The following SOX5 variants were observed in gnomAD, a reference collection of about 807,000 sequenced individuals.
The protein encoded by SOX5 is transcription factor SOX-5.
Under a neutral mutation model 92.0 loss-of-function variants are expected in SOX5, and 9 were observed. The ratio of observed to expected loss-of-function variants is 0.10; its 90% CI spans 0.06 to 0.17. The LOEUF (loss-of-function observed/expected upper bound fraction) is 0.17, where lower values mean the gene tolerates loss of function less well. Among genes scored for constraint, SOX5 ranks in the 10% least tolerant of loss-of-function variants. The pLI is 1.00. For missense variants in SOX5, 642 were observed against 944.5 expected (o/e 0.68, Z 4.20); for synonymous variants, 344 against 336.3 (o/e 1.02, Z -0.25).
rs559665299 is a variant in SOX5, at chr12:24,018,100, C to T, written c.-1-122076G>A. On this transcript the variant is annotated intron_variant, in intron 4 of 4. Transcript: ENST00000446891. ...TTCATCCTATTAAATCCTTCCTTCA[C>T]ACCTCCATCTTCCTTTATCTGCCCC... Among the ~76,000 whole-genome samples, 359 of 152,300 alleles carry T rather than the reference C, an allele frequency of 2.4e-3. 1 individual carries two copies. Among genetic ancestry groups the T allele is most frequent in the African/African-American group, 8.2e-3 (339 of 41,568 alleles).
chr12:24,161,384 T>C (rs1248627424), intron 4 of SOX5, among the ~76,000 whole-genome samples: 2 of 152,096 alleles, frequency 1.3e-5, no homozygotes, highest in Non-Finnish European at 1.5e-5. Flanking sequence ...ACATAGGCCA[T>C]GTTTCACAGA....
intron 3 of SOX5, among the ~76,000 whole-genome samples, chr12:23,828,739 C>G (rs1255228421): frequency 6.9e-6 from 1 of 145,232 alleles, no homozygotes; most frequent in African/African-American, 2.5e-5. Flanking sequence ...AGTTGCTTTT[C>G]AAATTCAGGA....
chr12:23,786,346 T>G (rs1034408785), intron 3 of SOX5, among the ~76,000 whole-genome samples: 2 of 152,022 alleles, frequency 1.3e-5, no homozygotes, highest in Non-Finnish European at 2.9e-5. Flanking sequence ...GTCCTTGTTT[T>G]AAACATACAT....
At chr12:24,162,459 T>C (rs934212391) in intron 4 of SOX5, among the ~76,000 whole-genome samples, 6 of 152,126 alleles carry the variant, frequency 3.9e-5, no homozygotes, top group Non-Finnish European at 7.4e-5. Flanking sequence ...TCCATAACTA[T>C]TGGCACAGAT....
chr12:24,002,334 A>C lies in SOX5; in HGVS notation c.-1-106310T>G, dbSNP rs531674642. 3.9e-5 allele frequency among the ~76,000 whole-genome samples: 6 copies of C among 152,156 alleles called. No individual in the cohort carries two copies. In the South Asian group the frequency reaches 1.2e-3, roughly 32 times the overall value. The stretch of plus-strand genomic sequence containing the variant: ...TTAGCTAGACTGACCAAAAAACAAA[A>C]AAAGTGAAAAAAACCTATATTACCA... On this transcript the variant is annotated intron_variant, in intron 4 of 4. Transcript: ENST00000446891.
chr12:24,460,908 A>T (rs907766658), intron 1 of SOX5: 5 of 152,186 alleles, frequency 3.3e-5, no homozygotes, highest in African/African-American at 1.2e-4. Flanking sequence ...GTACCATATG[A>T]TCAGTCCAAA....
At chr12:24,380,958 A>AG (rs1957764270) in intron 1 of SOX5, among the ~76,000 whole-genome samples, 1 of 152,324 alleles carries the variant, frequency 6.6e-6, no homozygotes, top group South Asian at 2.1e-4. Flanking sequence ...AAAATTTCCA[A>AG]GGGGGGCATC....
At chr12:24,070,581 T>G (rs1268548411) in intron 4 of SOX5, among the ~76,000 whole-genome samples, 1 of 150,642 alleles carries the variant, frequency 6.6e-6, no homozygotes, top group Non-Finnish European at 1.5e-5. Context: ...TTATTTATTG[T>G]TTTTTAAAAA....
At chr12:24,027,013 T>G (rs746480692) in intron 4 of SOX5, among the ~76,000 whole-genome samples, 3 of 152,056 alleles carry the variant, frequency 2.0e-5, no homozygotes, top group African/African-American at 7.2e-5. Context: ...TTGTTTCTGA[T>G]TTAATACTCA....
chr12:24,049,638 G>GTTTTTTTTTTTTTTTTTTTTT (rs527647441), intron 4 of SOX5, among the ~76,000 whole-genome samples: 2 of 73,748 alleles, frequency 2.7e-5, no homozygotes, highest in African/African-American at 1.2e-4. Context: ...ATCCTTCATA[G>GTTTTTTTTTTTTTTTTTTTTT]TTTTTTTTTT....
At chr12:24,348,364 C>CTACT (rs1555244287) in intron 2 of SOX5, among the ~76,000 whole-genome samples, 1 of 142,676 alleles carries the variant, frequency 7.0e-6, no homozygotes. Context: ...CTATTGACTC[C>CTACT]TATTTATTTA....
At chr12:24,381,430 CAT>C (rs10606283) in intron 1 of SOX5, among the ~76,000 whole-genome samples, 3,730 of 152,286 alleles carry the variant, frequency 0.024, 66 homozygotes, top group East Asian at 0.037. Context: ...TACATACACA[CAT>C]GTCTGTTACA....
At chr12:24,170,382 A>C (rs1380208954) in intron 4 of SOX5, among the ~76,000 whole-genome samples, 1 of 152,170 alleles carries the variant, frequency 6.6e-6, no homozygotes, top group African/African-American at 2.4e-5. Flanking sequence ...GTGAACACTC[A>C]TGAGACCCAG....
At chr12:23,594,025 T>C (rs1057474935) in intron 9 of SOX5, among the ~76,000 whole-genome samples, 1 of 152,164 alleles carries the variant, frequency 6.6e-6, no homozygotes, top group Non-Finnish European at 1.5e-5. Flanking sequence ...TATGTAGCAA[T>C]TATAGTTTTT....
chr12:23,535,514 T>C (rs1288988102), intron 14 of SOX5, among the ~76,000 whole-genome samples: 1 of 152,242 alleles, frequency 6.6e-6, no homozygotes. Flanking sequence ...ATAAATAATG[T>C]AGGTGGTCCT....
intron 3 of SOX5, among the ~76,000 whole-genome samples, chr12:23,827,030 GC>G (rs2096245552): frequency 6.6e-6 from 1 of 152,120 alleles, no homozygotes; most frequent in South Asian, 2.1e-4. Context: ...ATTATACCAT[GC>G]AATGAGCTCT....
intron 6 of SOX5, among the ~76,000 whole-genome samples, chr12:23,710,245 ATTTT>A (rs918230883): frequency 6.6e-6 from 1 of 151,348 alleles, no homozygotes; most frequent in Non-Finnish European, 1.5e-5. Context: ...TATGATATAT[ATTTT>A]TTTTATTATA....
At position 24,393,359 on chromosome 12, in the gene SOX5, T is replaced by G. The variant is rs1047919204; in HGVS notation, c.-250-24720A>C. ...GCTGCTGACTTTTTGGGTTGTGGTC[T>G]TGCCATTGGGACACAATTACAGGCC... On this transcript the variant is annotated intron_variant, in intron 1 of 4. Transcript: ENST00000446891. The surrounding 1 kb of genome is among the most constrained non-coding windows in gnomAD (Gnocchi z 5.0). Among the ~76,000 whole-genome samples the G allele has an allele frequency of 4.6e-5, 7 of 152,206 alleles. No homozygotes were observed. Among genetic ancestry groups the G allele is most frequent in the Non-Finnish European group, 7.3e-5 (5 of 68,038 alleles).
In SOX5 at chr12:23,604,486, C is replaced by A; in HGVS notation, c.1065G>T (p.Gly355=). 2.5e-6 allele frequency: 4 copies of A among 1,613,748 alleles called. No individual in the cohort carries two copies. Among genetic ancestry groups the A allele is most frequent in the Non-Finnish European group, 3.4e-6 (4 of 1,179,760 alleles). The change falls in exon 9 of 15, where the codon GGG becomes GGT. Residue 355 remains glycine (G), a synonymous_variant. Transcript: ENST00000451604. ...QLAAMQVSPG[G]KLPGIPQGNL... Reference sequence around the variant, plus strand: ...TGCCTTGGGGTATGCCTGGCAGCTTCCCTCCTGGAGATACCTGCATTGCAG... The same window carrying A: ...TGCCTTGGGGTATGCCTGGCAGCTTACCTCCTGGAGATACCTGCATTGCAG...
Sources: gnomAD v4.1 joint callset for allele counts (sites outside exome capture counted in the v4.1 genomes callset) on GRCh38, gnomAD v4.1.1 for gene constraint, Gnocchi (gnomAD v3.1) non-coding constraint, MANE v1.5 for transcripts, NCBI Gene and HGNC (gene_info 2026-07-23, HGNC 2026-07-21) for gene names.